Variants in DENND1A observed in about 807,000 individuals in gnomAD.
The protein encoded by DENND1A is DENN domain containing 1A, also known as DENN domain-containing protein 1A.
DENND1A carries 51 observed loss-of-function variants against 113.7 expected under a neutral mutation model. That is an observed-to-expected ratio of 0.45 (90% CI 0.36 to 0.57). DENND1A has a LOEUF of 0.57. Ranked by LOEUF, DENND1A falls within the 20% of genes least tolerant of loss-of-function variation. The pLI is 0.00. For missense variants in DENND1A, 1,258 were observed against 1,395.9 expected (o/e 0.90, Z 1.57); for synonymous variants, 565 against 570.8 (o/e 0.99, Z 0.14).
chr9:123,825,982 G>C (rs1839263639), intron 2 of DENND1A, among the ~76,000 whole-genome samples: 1 of 152,094 alleles, frequency 6.6e-6, no homozygotes, highest in Admixed American at 6.6e-5. Flanking sequence ...CCCAGATGAG[G>C]GCTGCTCTTT....
At chr9:123,589,163 C>T (rs180832239) in intron 11 of DENND1A, among the ~76,000 whole-genome samples, 5 of 152,184 alleles carry the variant, frequency 3.3e-5, no homozygotes, top group Admixed American at 2.0e-4. Context: ...TTACTAACTG[C>T]GACAGAGTGC....
At chr9:123,808,325 A>G (rs1410457833) in intron 2 of DENND1A, among the ~76,000 whole-genome samples, 2 of 151,460 alleles carry the variant, frequency 1.3e-5, no homozygotes, top group Non-Finnish European at 2.9e-5. Flanking sequence ...CATCAAAGTC[A>G]CCTGATGGGC....
intron 13 of DENND1A, among the ~76,000 whole-genome samples, chr9:123,551,625 A>C (rs2057049784): frequency 6.6e-6 from 1 of 152,170 alleles, no homozygotes; most frequent in Non-Finnish European, 1.5e-5. Flanking sequence ...ATGGGAAGCA[A>C]CTCGGAGTTG....
chr9:123,603,406 G>A (rs894436736), intron 11 of DENND1A, among the ~76,000 whole-genome samples: 3 of 152,190 alleles, frequency 2.0e-5, no homozygotes, highest in South Asian at 2.1e-4. Context: ...TCTGGATCCC[G>A]AGACCAAGAT....
At chr9:123,739,921 A>G (rs2068859263) in intron 5 of DENND1A, among the ~76,000 whole-genome samples, 1 of 133,952 alleles carries the variant, frequency 7.5e-6, no homozygotes, top group South Asian at 2.4e-4. Flanking sequence ...GGTACATAGG[A>G]GAAAAAAAAA....
chr9:123,444,092 G>C (rs1473067647), intron 18 of DENND1A, among the ~76,000 whole-genome samples: 1 of 152,174 alleles, frequency 6.6e-6, no homozygotes, highest in Admixed American at 6.5e-5. Flanking sequence ...CACTAACGTA[G>C]CTGTCAGCAA....
rs1418569001 is a variant in DENND1A, at chr9:123,382,644, G to A, written c.2020-19C>T. On this transcript the variant is annotated intron_variant, in intron 23 of 23. Coordinates refer to ENST00000394215, the MANE Select transcript of DENND1A (RefSeq NM_001352964.2). ...CCAGCCTCTGTTGGGAGGGAAGGAG[G>A]GCGGCAGTGACCACGGGCTGAGTTG... 4 of 1,613,402 alleles carry A rather than the reference G, an allele frequency of 2.5e-6. No homozygotes were observed. The highest frequency in any genetic ancestry group is 3.4e-6 in the Non-Finnish European group (4 of 1,179,646).
In DENND1A at chr9:123,472,882, C is replaced by G. The variant is rs373809728; in HGVS notation, c.994-14985G>C. 2.5e-4 allele frequency among the ~76,000 whole-genome samples: 38 copies of G among 152,194 alleles called. No homozygotes were observed. In the East Asian group the frequency reaches 2.5e-3, roughly 10 times the overall value. On this transcript the variant is annotated intron_variant, in intron 13 of 23. Transcript: ENST00000394215. ...TGCTGGGCCCTCTGTGGGGAGGCCA[C>G]TCAGGCTGGGGAGTCCCCCTTGCCC...
At position 123,440,495 on chromosome 9, in the gene DENND1A, T is replaced by G. The variant is rs762486216; in HGVS notation, c.1357-4A>C. The G allele has an allele frequency of 6.4e-7, 1 of 1,556,034 alleles. No homozygotes were observed. The highest frequency in any genetic ancestry group is 8.6e-7 in the Non-Finnish European group (1 of 1,161,158). ...CGCAGCCATTCTCGGCAATGTCCTG[T>G]AGGGAGAAGGATAGTCAGCGGTTGG... On this transcript the variant is annotated splice_polypyrimidine_tract_variant and splice_region_variant and intron_variant, in intron 18 of 23. Transcript: ENST00000394215.
intron 5 of DENND1A, 112 bp downstream of exon 5, chr9:123,757,591 G>A (rs2131408545): frequency 6.7e-7 from 1 of 1,482,922 alleles, no homozygotes; most frequent in Non-Finnish European, 9.1e-7. Flanking sequence ...TGACTTGTGG[G>A]AAACAGATAG....
intron 1 of DENND1A, among the ~76,000 whole-genome samples, chr9:123,920,993 ATC>A (rs1856145290): frequency 6.6e-6 from 1 of 152,158 alleles, no homozygotes; most frequent in African/African-American, 2.4e-5. Flanking sequence ...CTTTGTATAT[ATC>A]AGCATCTCAA....
chr9:123,468,913 A>G (rs751050697), intron 13 of DENND1A, among the ~76,000 whole-genome samples: 12 of 152,242 alleles, frequency 7.9e-5, no homozygotes, highest in Non-Finnish European at 1.2e-4. Flanking sequence ...ATCTTCTGAA[A>G]TGATTTCCAC....
chr9:123,495,170 T>TCTCTCTCTCTCTCTCTCTCTCTCTCTC (rs371539514), intron 13 of DENND1A, among the ~76,000 whole-genome samples: 134 of 149,522 alleles, frequency 9.0e-4, no homozygotes, highest in South Asian at 1.1e-3. Context: ...TCTCTCTCTC[T>TCTCTCTCTCTCTCTCTCTCTCTCTCTC]TATAATGTCT....
intron 13 of DENND1A, among the ~76,000 whole-genome samples, chr9:123,524,426 T>C (rs1266444178): frequency 6.6e-6 from 1 of 152,144 alleles, no homozygotes; most frequent in South Asian, 2.1e-4. Flanking sequence ...GCAAAAGCCT[T>C]CATGGGTCCA....
intron 6 of DENND1A, among the ~76,000 whole-genome samples, chr9:123,674,564 A>G (rs1375873830): frequency 1.3e-5 from 2 of 152,204 alleles, no homozygotes; most frequent in African/African-American, 4.8e-5. Flanking sequence ...CAGATTTCCT[A>G]TCATCTGTGT....
At chr9:123,706,141 T>G (rs2066180157) in intron 5 of DENND1A, among the ~76,000 whole-genome samples, 1 of 138,156 alleles carries the variant, frequency 7.2e-6, no homozygotes, top group South Asian at 2.2e-4. Context: ...ACTAGATATT[T>G]TTTCTTTTTT....
chr9:123,682,608 C>A (rs573372592), intron 5 of DENND1A, among the ~76,000 whole-genome samples: 2 of 152,214 alleles, frequency 1.3e-5, no homozygotes, highest in African/African-American at 4.8e-5. Flanking sequence ...TGTTAAAAAG[C>A]AGAGCAGCAT....
At chr9:123,714,502 TGAA>T (rs2066845377) in intron 5 of DENND1A, among the ~76,000 whole-genome samples, 1 of 152,042 alleles carries the variant, frequency 6.6e-6, no homozygotes. Flanking sequence ...CCAGGGAGGC[TGAA>T]GAAGGAGAAT....
chr9:123,785,152 C>T (rs1831931893), intron 3 of DENND1A, among the ~76,000 whole-genome samples: 1 of 151,724 alleles, frequency 6.6e-6, no homozygotes, highest in African/African-American at 2.4e-5. Flanking sequence ...TCATCCTGGG[C>T]AACATAGTAA....
Sources: allele counts gnomAD v4.1 joint callset (sites outside exome capture counted in the v4.1 genomes callset), GRCh38; gene constraint gnomAD v4.1.1; transcripts MANE v1.5; gene names NCBI Gene and HGNC (gene_info 2026-07-23, HGNC 2026-07-21).